MMRN1: variants seen among roughly 807,000 people sequenced by gnomAD.
MMRN1 encodes the protein multimerin-1.
A neutral mutation model predicts 100.7 loss-of-function variants in MMRN1; 94 were observed. The ratio of observed to expected loss-of-function variants is 0.93; its 90% CI spans 0.79 to 1.11. MMRN1 has a LOEUF of 1.11. Among genes scored for constraint, MMRN1 ranks in the 50% least tolerant of loss-of-function variants. The pLI is 0.00. For synonymous variants in MMRN1, 575 were observed against 505.0 expected (o/e 1.14, Z -1.86); for missense variants, 1,606 against 1,439.1 (o/e 1.12, Z -1.88).
At chr4:89,905,583 G>A (rs1160238537) in intron 1 of MMRN1, among the ~76,000 whole-genome samples, 1 of 151,466 alleles carries the variant, frequency 6.6e-6, no homozygotes, top group African/African-American at 2.4e-5. Flanking sequence ...GTTATTACTA[G>A]AGTCACCTGA....
rs536605153 is a variant in MMRN1, at chr4:89,915,732, G to A, written c.850+3682G>A. Among the ~76,000 whole-genome samples the A allele has an allele frequency of 5.3e-5, 8 of 151,494 alleles. No individual in the cohort carries two copies. The South Asian group carries it at 1.2e-3, about 24-fold the overall frequency. Reference sequence around the variant, plus strand: ...GGAAAAAAAGAGAGTAACTGTCCTGGGAGAAAAGCAAAAAGGAATCCAACT... The same window carrying A: ...GGAAAAAAAGAGAGTAACTGTCCTGAGAGAAAAGCAAAAAGGAATCCAACT... On this transcript the variant is annotated intron_variant, in intron 3 of 7. Coordinates refer to ENST00000264790, the MANE Select transcript of MMRN1 (RefSeq NM_007351.3).
At chr4:89,880,126 A>G (rs1337409264) in intron 1 of MMRN1, among the ~76,000 whole-genome samples, 1 of 152,196 alleles carries the variant, frequency 6.6e-6, no homozygotes, top group African/African-American at 2.4e-5. Context: ...TGTAGCAGAA[A>G]TTGACTTCTT....
chr4:89,952,241 G>A (rs1055028648), intron 7 of MMRN1, among the ~76,000 whole-genome samples: 1 of 152,146 alleles, frequency 6.6e-6, no homozygotes, highest in Non-Finnish European at 1.5e-5. Context: ...ATGCTCAAAT[G>A]TATTAAGTAA....
At chr4:89,881,625 G>A (rs1415095385) in intron 1 of MMRN1, among the ~76,000 whole-genome samples, 6 of 151,578 alleles carry the variant, frequency 4.0e-5, no homozygotes, top group Non-Finnish European at 8.8e-5. Context: ...GTTTGTCAAA[G>A]GTGCCCATGG....
intron 1 of MMRN1, among the ~76,000 whole-genome samples, chr4:89,904,671 T>A (rs1191752023): frequency 6.6e-6 from 1 of 151,720 alleles, no homozygotes; most frequent in Non-Finnish European, 1.5e-5. Context: ...ATTTTCTTTT[T>A]CCATTCATCT....
chr4:89,913,007 ATG>A, intron 3 of MMRN1, among the ~76,000 whole-genome samples: 1 of 151,282 alleles, frequency 6.6e-6, no homozygotes, highest in African/African-American at 2.4e-5. Flanking sequence ...AGACTACAGA[ATG>A]AATATGTACT....
At chr4:89,932,060 CA>C (rs912131361) in intron 5 of MMRN1, among the ~76,000 whole-genome samples, 17 of 152,102 alleles carry the variant, frequency 1.1e-4, no homozygotes, top group African/African-American at 3.9e-4. Flanking sequence ...AAATCAAAAG[CA>C]AATTAGTTAC....
At chr4:89,885,860 C>T (rs924501465) in intron 1 of MMRN1, among the ~76,000 whole-genome samples, 5 of 151,906 alleles carry the variant, frequency 3.3e-5, no homozygotes, top group Non-Finnish European at 5.9e-5. Context: ...ATTTTTCTTT[C>T]TTCTTTGCCC....
intron 3 of MMRN1, among the ~76,000 whole-genome samples, chr4:89,916,364 GA>G (rs33949270): frequency 0.86 from 119,024 of 138,424 alleles, 50,303 homozygotes; most frequent in South Asian, 0.9. Flanking sequence ...CTTAGATTCT[GA>G]AAAAAAAAAA....
At chr4:89,908,516 A>T (rs553600400) in intron 1 of MMRN1, among the ~76,000 whole-genome samples, 9 of 151,560 alleles carry the variant, frequency 5.9e-5, no homozygotes, top group African/African-American at 2.2e-4. Context: ...AACATGATTC[A>T]TTGGCTTTTT....
At position 89,911,943 on chromosome 4, in the gene MMRN1, G is replaced by T. The variant is rs201269770; in HGVS notation, c.744-1G>T. On this transcript the variant is annotated splice_acceptor_variant, in intron 2 of 7. Transcript: ENST00000264790. LOFTEE classifies it high-confidence loss of function. ...TTCCCTCCAATTGCTCAACTCTCTA[G>T]ATCTCAGAAGATATCCAATCCTGTC... The T allele has an allele frequency of 6.4e-7, 1 of 1,565,920 alleles. No individual in the cohort carries two copies.
chr4:89,897,102 T>C (rs573097959), intron 1 of MMRN1, among the ~76,000 whole-genome samples: 49 of 152,368 alleles, frequency 3.2e-4, no homozygotes, highest in Non-Finnish European at 5.3e-4. Flanking sequence ...TCATTTCTGT[T>C]AATCATATTT....
intron 3 of MMRN1, among the ~76,000 whole-genome samples, chr4:89,922,754 A>G (rs1251948125): frequency 6.6e-6 from 1 of 151,948 alleles, no homozygotes; most frequent in Admixed American, 6.6e-5. Flanking sequence ...CCTTTTTTCC[A>G]AGTAGACACC....
At chr4:89,904,055 T>C (rs1053139437) in intron 1 of MMRN1, among the ~76,000 whole-genome samples, 5 of 151,734 alleles carry the variant, frequency 3.3e-5, no homozygotes, top group Admixed American at 6.6e-5. Flanking sequence ...AAAAAGCATG[T>C]ATTGATGACA....
intron 3 of MMRN1, among the ~76,000 whole-genome samples, chr4:89,914,963 G>GGA (rs560725912): frequency 6.7e-4 from 102 of 151,554 alleles, no homozygotes; most frequent in African/African-American, 2.4e-3. Flanking sequence ...ATCCTTTATA[G>GGA]GAAAAAGGTA....
chr4:89,906,357 C>A (rs1363644226), intron 1 of MMRN1, among the ~76,000 whole-genome samples: 2 of 151,496 alleles, frequency 1.3e-5, no homozygotes, highest in African/African-American at 4.8e-5. Context: ...CTAGAACAAA[C>A]CTTTTACCTA....
intron 1 of MMRN1, among the ~76,000 whole-genome samples, chr4:89,886,412 C>T (rs1720938221): frequency 6.6e-6 from 1 of 152,046 alleles, no homozygotes; most frequent in South Asian, 2.1e-4. Flanking sequence ...AGAATATTCT[C>T]TTTATGATTT....
At chr4:89,944,343 C>T (rs1420950249) in intron 6 of MMRN1, among the ~76,000 whole-genome samples, 1 of 152,156 alleles carries the variant, frequency 6.6e-6, no homozygotes, top group Non-Finnish European at 1.5e-5. Context: ...CCAAGTTTCT[C>T]TTCAGAGAGT....
chr4:89,939,176 T>C (rs1275431547), intron 6 of MMRN1, among the ~76,000 whole-genome samples: 1 of 152,118 alleles, frequency 6.6e-6, no homozygotes, highest in East Asian at 1.9e-4. Context: ...TGGGACACAC[T>C]GTTTAAATTT....
Sources: allele counts gnomAD v4.1 joint callset (sites outside exome capture counted in the v4.1 genomes callset), GRCh38; gene constraint gnomAD v4.1.1; transcripts MANE v1.5; gene names NCBI Gene and HGNC (gene_info 2026-07-23, HGNC 2026-07-21).